REDIC1: variants seen among roughly 807,000 people sequenced by gnomAD.
REDIC1 encodes the protein regulator of DNA class I crossover intermediates 1.
the REDIC1 span, among the ~76,000 whole-genome samples, chr12:39,858,627 G>T: frequency 6.6e-6 from 1 of 152,192 alleles, no homozygotes; most frequent in South Asian, 2.1e-4. Context: ...GTTTGTTTGA[G>T]ATGGAGTCTT....
At chr12:39,889,529 C>CTTTT in the REDIC1 span, among the ~76,000 whole-genome samples, 15 of 119,858 alleles carry the variant, frequency 1.3e-4, no homozygotes, top group Admixed American at 1.9e-4. Flanking sequence ...GGTAAACAAC[C>CTTTT]TTTTTTTTTT....
the REDIC1 span, among the ~76,000 whole-genome samples, chr12:39,857,670 TTC>T: frequency 6.6e-6 from 1 of 152,338 alleles, no homozygotes; most frequent in East Asian, 1.9e-4. Flanking sequence ...CTTTGAAGGC[TTC>T]TCAGTATTCT....
At chr12:39,685,301 G>A in the REDIC1 span, among the ~76,000 whole-genome samples, 5 of 152,190 alleles carry the variant, frequency 3.3e-5, no homozygotes, top group African/African-American at 7.2e-5. Context: ...TGTACAGGAA[G>A]CATGATGCTG....
the REDIC1 span, among the ~76,000 whole-genome samples, chr12:39,902,837 A>T: frequency 6.6e-6 from 1 of 152,126 alleles, no homozygotes; most frequent in East Asian, 1.9e-4. Flanking sequence ...GCAGTCTCAC[A>T]TTCAAACTCA....
chr12:39,849,371 G>A, the REDIC1 span, among the ~76,000 whole-genome samples: 1 of 152,084 alleles, frequency 6.6e-6, no homozygotes, highest in Non-Finnish European at 1.5e-5. Context: ...AAGTCTCAGA[G>A]TTAATGCTTC....
the REDIC1 span, among the ~76,000 whole-genome samples, chr12:39,760,639 A>G: frequency 6.6e-6 from 1 of 151,954 alleles, no homozygotes; most frequent in Non-Finnish European, 1.5e-5. Flanking sequence ...TGCCTTGTCT[A>G]TTACACTAGA....
At chr12:39,814,630 G>C in the REDIC1 span, among the ~76,000 whole-genome samples, 1 of 152,140 alleles carries the variant, frequency 6.6e-6, no homozygotes. Context: ...ATTTTAAAGA[G>C]AGGAAAAACA....
At chr12:39,751,564 A>G in the REDIC1 span, among the ~76,000 whole-genome samples, 2 of 152,254 alleles carry the variant, frequency 1.3e-5, no homozygotes, top group Non-Finnish European at 2.9e-5. Flanking sequence ...ATATACCCAA[A>G]GAATTATAAA....
At chr12:39,737,378 C>T in the REDIC1 span, among the ~76,000 whole-genome samples, 3 of 152,172 alleles carry the variant, frequency 2.0e-5, no homozygotes, top group Non-Finnish European at 2.9e-5. Flanking sequence ...TACTCCTTAA[C>T]CTAACTTTTA....
At chr12:39,844,202 T>C in the REDIC1 span, among the ~76,000 whole-genome samples, 2 of 152,088 alleles carry the variant, frequency 1.3e-5, no homozygotes, top group African/African-American at 2.4e-5. Context: ...TAACAGGTGC[T>C]GATTTCTAAA....
chr12:39,760,853 T>G, the REDIC1 span, among the ~76,000 whole-genome samples: 2 of 150,450 alleles, frequency 1.3e-5, no homozygotes, highest in Non-Finnish European at 3.0e-5. Context: ...GATATATGAA[T>G]GTATGACTTG....
the REDIC1 span, among the ~76,000 whole-genome samples, chr12:39,724,229 C>T: frequency 6.6e-6 from 1 of 152,132 alleles, no homozygotes; most frequent in Non-Finnish European, 1.5e-5. Flanking sequence ...TTCTACAACT[C>T]TGCTTACTCA....
At chr12:39,818,571 A>G in the REDIC1 span, among the ~76,000 whole-genome samples, 1 of 152,178 alleles carries the variant, frequency 6.6e-6, no homozygotes, top group African/African-American at 2.4e-5. Flanking sequence ...CTTATGTGAC[A>G]TAGCCCAAGG....
At chr12:39,749,395 C>G in the REDIC1 span, among the ~76,000 whole-genome samples, 2,342 of 152,266 alleles carry the variant, frequency 0.015, 57 homozygotes, top group African/African-American at 0.051. Flanking sequence ...CTAAATAGAC[C>G]AGTAACAGGC....
the REDIC1 span, among the ~76,000 whole-genome samples, chr12:39,711,734 TGTATGTGTGTATACACATGC>T: frequency 2.2e-4 from 28 of 124,564 alleles, no homozygotes; most frequent in Non-Finnish European, 3.5e-4. Flanking sequence ...CATGCATGTG[TGTATGTGTGTATACACATGC>T]ATGTGTATGT....
the REDIC1 span, among the ~76,000 whole-genome samples, chr12:39,639,342 C>T: frequency 8.4e-4 from 128 of 152,000 alleles, no homozygotes; most frequent in African/African-American, 3.0e-3. Flanking sequence ...AGCGAGTCCA[C>T]CCTGAACGTG....
the REDIC1 span, among the ~76,000 whole-genome samples, chr12:39,626,690 G>T: frequency 2.6e-5 from 4 of 151,986 alleles, no homozygotes; most frequent in African/African-American, 9.7e-5. Context: ...CTCCCCTACT[G>T]CCTTCTTTCC....
At chr12:39,693,585 A>T in the REDIC1 span, among the ~76,000 whole-genome samples, 1 of 152,140 alleles carries the variant, frequency 6.6e-6, no homozygotes, top group Non-Finnish European at 1.5e-5. Flanking sequence ...TTATTTATTT[A>T]ATAAAATATT....
the REDIC1 span, among the ~76,000 whole-genome samples, chr12:39,635,882 G>A: frequency 6.6e-6 from 1 of 152,066 alleles, no homozygotes; most frequent in South Asian, 2.1e-4. Context: ...CTACCTGTAA[G>A]ACTATCAGGA....
Sources: allele counts gnomAD v4.1 joint callset (sites outside exome capture counted in the v4.1 genomes callset), GRCh38; gene constraint gnomAD v4.1.1; transcripts MANE v1.5; gene names NCBI Gene and HGNC (gene_info 2026-07-23, HGNC 2026-07-21).